CDH7: variants seen among roughly 807,000 people sequenced by gnomAD.
CDH7 encodes cadherin 7.
CDH7 carries 25 observed loss-of-function variants against 71.8 expected under a neutral mutation model. The observed-to-expected ratio is 0.35, with a 90% confidence interval of 0.25 to 0.49. CDH7 has a LOEUF of 0.49. Ranked by LOEUF, CDH7 falls within the 20% of genes least tolerant of loss-of-function variation. The pLI, the probability that CDH7 is intolerant of heterozygous loss-of-function variation, is 0.99. For missense variants in CDH7, 862 were observed against 974.6 expected, an observed-to-expected ratio of 0.88 and a Z score of 1.54; for synonymous variants, 381 against 363.8, an observed-to-expected ratio of 1.05 and a Z score of -0.54.
At chr18:65,868,465 T>C (rs927295292) in intron 11 of CDH7, among the ~76,000 whole-genome samples, 3 of 152,150 alleles carry the variant, frequency 2.0e-5, no homozygotes, top group Non-Finnish European at 4.4e-5. Flanking sequence ...CTTTATAAGG[T>C]ATTTTTCCAT....
chr18:65,797,986 T>G (rs1910977490), intron 2 of CDH7, among the ~76,000 whole-genome samples: 1 of 152,188 alleles, frequency 6.6e-6, no homozygotes, highest in African/African-American at 2.4e-5. Flanking sequence ...ATATTCTGAC[T>G]GAATTATTCA....
At position 65,882,974 on chromosome 18, in the gene CDH7, A is replaced by G. The variant is rs1914273322; in HGVS notation, c.*2080A>G. ...CATTTGGATGATGTCAAAACTGCTG[A>G]TTGTTGCACATACCACTAAACGGAG... On this transcript the variant is annotated 3_prime_UTR_variant, in exon 12 of 12. Coordinates refer to ENST00000397968, the MANE Select transcript of CDH7 (RefSeq NM_004361.5). 1 of 152,120 alleles carries G rather than the reference A, an allele frequency of 6.6e-6. No individual in the cohort carries two copies. Among genetic ancestry groups the G allele is most frequent in the Non-Finnish European group, 1.5e-5 (1 of 67,968 alleles). The allele number at this position is 152,120 out of a possible 1,614,324, so 9.4% of individuals were successfully genotyped here.
At chr18:65,869,267 T>C (rs1300494671) in intron 11 of CDH7, among the ~76,000 whole-genome samples, 3 of 151,720 alleles carry the variant, frequency 2.0e-5, no homozygotes, top group Admixed American at 6.6e-5. Flanking sequence ...TACCATTCTC[T>C]ATCAGAACCA....
chr18:65,762,124 GAATC>G (rs1467968648), intron 1 of CDH7, among the ~76,000 whole-genome samples: 3 of 151,998 alleles, frequency 2.0e-5, no homozygotes, highest in African/African-American at 4.8e-5. Context: ...CTGTGACTCA[GAATC>G]AATCAACCAG....
chr18:65,882,861 A>G lies in CDH7; in HGVS notation c.*1967A>G, dbSNP rs1914270467. On this transcript the variant is annotated 3_prime_UTR_variant, in exon 12 of 12. Coordinates refer to ENST00000397968, the MANE Select transcript of CDH7 (RefSeq NM_004361.5). ...AATAAAATCAGAGTGTGGTGCAGGAATTACAGAGTTGTTAAGTCAGCAAGG... is the reference window on the plus strand; with the variant it reads ...AATAAAATCAGAGTGTGGTGCAGGAGTTACAGAGTTGTTAAGTCAGCAAGG... The G allele has an allele frequency of 6.6e-6, 1 of 152,164 alleles. No homozygotes were observed. Among genetic ancestry groups the G allele is most frequent in the African/African-American group, 2.4e-5 (1 of 41,466 alleles). 9.4% of individuals were successfully genotyped at this position (152,164 alleles called of 1,614,324 possible). A position where few individuals can be genotyped will look rare whatever the true frequency, so the allele number is the denominator to read the frequency against.
chr18:65,802,012 G>A (rs1321572671), intron 2 of CDH7, among the ~76,000 whole-genome samples: 2 of 152,202 alleles, frequency 1.3e-5, no homozygotes, highest in Non-Finnish European at 2.9e-5. Context: ...CAAGTCTTAA[G>A]GATGAGCTCT....
chr18:65,767,727 G>A (rs757762231), intron 2 of CDH7, among the ~76,000 whole-genome samples: 55 of 152,150 alleles, frequency 3.6e-4, no homozygotes, highest in Non-Finnish European at 7.5e-4. Context: ...ATTTCAAAAG[G>A]AATTTGGACA....
chr18:65,865,583 T>C (rs960442664), intron 11 of CDH7: 1 of 152,168 alleles, frequency 6.6e-6, no homozygotes, highest in Non-Finnish European at 1.5e-5. Flanking sequence ...TCCATTTCTA[T>C]AGTGACCACA....
intron 2 of CDH7, among the ~76,000 whole-genome samples, chr18:65,776,064 C>T (rs980753169): frequency 7.9e-5 from 12 of 152,124 alleles, no homozygotes; most frequent in African/African-American, 2.9e-4. Context: ...GAACTGGCAA[C>T]ACATACATCC....
chr18:65,871,110 G>C (rs904423884), intron 11 of CDH7, among the ~76,000 whole-genome samples: 1 of 152,182 alleles, frequency 6.6e-6, no homozygotes, highest in Non-Finnish European at 1.5e-5. Flanking sequence ...TCACAAGTGA[G>C]AGCATGGTAA....
At chr18:65,756,386 C>G (rs1246103427) in intron 1 of CDH7, among the ~76,000 whole-genome samples, 1 of 152,176 alleles carries the variant, frequency 6.6e-6, no homozygotes, top group Non-Finnish European at 1.5e-5. Flanking sequence ...TGACAGTCCT[C>G]AAATGTCATT....
intron 2 of CDH7, among the ~76,000 whole-genome samples, chr18:65,767,089 C>CTTTTTTT (rs35258266): frequency 1.4e-5 from 2 of 139,982 alleles, no homozygotes; most frequent in African/African-American, 5.5e-5. Flanking sequence ...ATCACTCTTT[C>CTTTTTTT]TTTCTTTTTT....
At chr18:65,792,300 G>A (rs1257026336) in intron 2 of CDH7, among the ~76,000 whole-genome samples, 1 of 151,292 alleles carries the variant, frequency 6.6e-6, no homozygotes, top group Non-Finnish European at 1.5e-5. Context: ...TTCTGTACTC[G>A]GGAAGAGTGA....
chr18:65,768,190 A>G (rs1457499741), intron 2 of CDH7, among the ~76,000 whole-genome samples: 3 of 151,650 alleles, frequency 2.0e-5, no homozygotes, highest in Non-Finnish European at 4.4e-5. Flanking sequence ...GAAAACAGCA[A>G]ACATTTTCAA....
intron 1 of CDH7, among the ~76,000 whole-genome samples, chr18:65,752,454 GA>G (rs747279527): frequency 2.6e-5 from 4 of 151,924 alleles, no homozygotes; most frequent in Non-Finnish European, 4.4e-5. Context: ...AAAGAGCTAA[GA>G]AAAAAAATTA....
intron 11 of CDH7, among the ~76,000 whole-genome samples, chr18:65,868,582 G>A (rs2144050290): frequency 6.6e-6 from 1 of 152,304 alleles, no homozygotes; most frequent in African/African-American, 2.4e-5. Context: ...TATCTTTGCT[G>A]TGTTTCACAT....
Position 65,781,767 on chromosome 18 carries a change from T to TTTCTTTCCTTCCTTCC in CDH7, c.210+18718_210+18719insTTTCCTTCCTTCCTTC, listed in dbSNP as rs1568181229. On this transcript the variant is annotated intron_variant, in intron 2 of 11. Transcript: ENST00000397968. The stretch of plus-strand genomic sequence containing the variant: ...ATTGGTTGATTTCTTTCTTTCTTTC[T>TTTCTTTCCTTCCTTCC]TTCCTTCCTTCCTTCCTTCCTTCCT... Among the ~76,000 whole-genome samples, 56 of 75,482 alleles carry TTTCTTTCCTTCCTTCC rather than the reference T, an allele frequency of 7.4e-4. 1 individual carries two copies. Among genetic ancestry groups the TTTCTTTCCTTCCTTCC allele is most frequent in the Admixed American group, 1.6e-3 (12 of 7,656 alleles). 49.5% of individuals were successfully genotyped at this position (75,482 alleles called of 152,430 possible).
At chr18:65,854,174 C>G (rs1018419542) in intron 7 of CDH7, among the ~76,000 whole-genome samples, 1 of 151,298 alleles carries the variant, frequency 6.6e-6, no homozygotes, top group African/African-American at 2.4e-5. Flanking sequence ...GGCACAGTGG[C>G]CCATGTGTGT....
At chr18:65,809,584 A>G in intron 2 of CDH7, 120 bp from the exon 3 acceptor site, 2 of 806,940 alleles carry the variant, frequency 2.5e-6, no homozygotes, top group South Asian at 3.5e-5. Flanking sequence ...CGTTCAGCTT[A>G]TCTTTCCAAG....
Sources: gnomAD v4.1 joint callset for allele counts (sites outside exome capture counted in the v4.1 genomes callset) on GRCh38, gnomAD v4.1.1 for gene constraint, MANE v1.5 for transcripts, NCBI Gene and HGNC (gene_info 2026-07-23, HGNC 2026-07-21) for gene names.